TBX20: variants seen among roughly 807,000 people sequenced by gnomAD.
The protein encoded by TBX20 is T-box transcription factor 20.
A neutral mutation model predicts 42.9 loss-of-function variants in TBX20; 8 were observed. The ratio of observed to expected loss-of-function variants is 0.19; its 90% CI spans 0.11 to 0.34. The LOEUF (loss-of-function observed/expected upper bound fraction) is 0.34. Ranked by LOEUF, TBX20 falls within the 10% of genes least tolerant of loss-of-function variation. The probability of loss-of-function intolerance (pLI) is 1.00; values close to 1 mark genes in which losing one functional copy is unlikely to be tolerated. For missense variants in TBX20, 411 were observed against 566.0 expected (o/e 0.73, Z 2.78); for synonymous variants, 198 against 222.8 (o/e 0.89, Z 0.99).
At chr7:35,217,596 T>C (rs1789611417) in intron 6 of TBX20, among the ~76,000 whole-genome samples, 1 of 152,250 alleles carries the variant, frequency 6.6e-6, no homozygotes, top group Admixed American at 6.5e-5. Flanking sequence ...TCTTGCTAAC[T>C]AAATATTTTG....
At chr7:35,218,016 G>C (rs545780798) in intron 6 of TBX20, among the ~76,000 whole-genome samples, 1 of 152,100 alleles carries the variant, frequency 6.6e-6, no homozygotes, top group Admixed American at 6.6e-5. Flanking sequence ...CATTGCGCCC[G>C]GCCCAAAAGC....
At chr7:35,212,901 G>A (rs954858265) in intron 6 of TBX20, among the ~76,000 whole-genome samples, 1 of 152,118 alleles carries the variant, frequency 6.6e-6, no homozygotes, top group Non-Finnish European at 1.5e-5. Context: ...GTTCTTTAGG[G>A]ATCCTCTGTA....
rs199730828 is a variant in TBX20 at position 35,248,806 on chromosome 7, C to A, written c.416G>T (p.Gly139Val). Residue 139 changes from glycine (G) to valine (V), a missense_variant, in exon 3 of 8, where the codon GGG (glycine) becomes GTG (valine). Coordinates refer to ENST00000408931, the MANE Select transcript of TBX20 (RefSeq NM_001077653.2). ...TATGTACTTGGCCTCAGGATCCACC[C>A]CCGAAAAGGACACCCGGATGGTTGG... The part of the protein sequence containing the change: ...MFPTIRVSFS[G>V]VDPEAKYIVL... 1 of 1,614,078 alleles carries A rather than the reference C, an allele frequency of 6.2e-7. No individual in the cohort carries two copies. Among genetic ancestry groups the A allele is most frequent in the East Asian group, 2.2e-5 (1 of 44,860 alleles).
intron 6 of TBX20, among the ~76,000 whole-genome samples, 185 bp from the exon 7 acceptor site, chr7:35,204,767 G>GACCTCAGTACATAC (rs1789372557): frequency 1.3e-5 from 2 of 152,166 alleles, no homozygotes; most frequent in South Asian, 4.2e-4. Flanking sequence ...TCAGAGACAT[G>GACCTCAGTACATAC]ACCTCAGGTG....
At chr7:35,231,872 TATTTAA>T (rs1789873140) in intron 5 of TBX20, among the ~76,000 whole-genome samples, 1 of 152,116 alleles carries the variant, frequency 6.6e-6, no homozygotes, top group Non-Finnish European at 1.5e-5. Context: ...GGGTGTGCAG[TATTTAA>T]TATATTACAT....
chr7:35,206,906 T>C (rs890309751), intron 6 of TBX20, among the ~76,000 whole-genome samples: 1 of 152,230 alleles, frequency 6.6e-6, no homozygotes, highest in Admixed American at 6.5e-5. Flanking sequence ...GGATATATTA[T>C]GGTTTATTCA....
chr7:35,247,175 A>AAC (rs1790207201), intron 3 of TBX20, among the ~76,000 whole-genome samples: 1 of 151,196 alleles, frequency 6.6e-6, no homozygotes, highest in Non-Finnish European at 1.5e-5. Context: ...CAAAAAAAAA[A>AAC]AAAAAAAAAA....
chr7:35,232,374 T>A (rs1789883244), intron 5 of TBX20, among the ~76,000 whole-genome samples: 1 of 152,176 alleles, frequency 6.6e-6, no homozygotes, highest in Non-Finnish European at 1.5e-5. Flanking sequence ...TGAAGGAGAA[T>A]ACGTTAAGTT....
intron 6 of TBX20, among the ~76,000 whole-genome samples, chr7:35,206,194 GAAAC>G (rs945789733): frequency 1.1e-4 from 16 of 152,216 alleles, no homozygotes; most frequent in African/African-American, 3.9e-4. Context: ...TAGGGATCTT[GAAAC>G]AAACAAACTA....
At chr7:35,248,576 C>G (rs1214503135) in intron 3 of TBX20, 101 bp downstream of exon 3, 1 of 1,327,960 alleles carries the variant, frequency 7.5e-7, no homozygotes, top group African/African-American at 1.4e-5. Flanking sequence ...TTGCCAGAGC[C>G]CGCTGCTTTA....
Position 35,244,943 on chromosome 7 carries a change from AC to A in TBX20, c.654+5del. 1 of 1,604,186 alleles carries A rather than the reference AC, an allele frequency of 6.2e-7. No homozygotes were observed. The highest frequency in any genetic ancestry group is 8.5e-7 in the Non-Finnish European group (1 of 1,170,982). ...GAACCTGCACAGTCCAAGGCATGGT[AC>A]TTACATGGCCATGTTGATCCAGTTC... On this transcript the variant is annotated splice_donor_5th_base_variant and intron_variant, in intron 4 of 7. Transcript: ENST00000408931.
chr7:35,253,349 G>T, intron 1 of TBX20, 145 bp downstream of exon 1: 1 of 932,216 alleles, frequency 1.1e-6, no homozygotes, highest in Non-Finnish European at 1.6e-6. Context: ...AGAAAACTTG[G>T]ACCCAAAAGA....
chr7:35,207,126 C>T lies in TBX20; in HGVS notation c.891-2544G>A, dbSNP rs148724286. On this transcript the variant is annotated intron_variant, in intron 6 of 7. Coordinates refer to ENST00000408931, the MANE Select transcript of TBX20 (RefSeq NM_001077653.2). ...AAAGTAGTCATACAATTTAGCATTC[C>T]CACCATCAGTGTATGAGAACTCCAG... 4.7e-3 allele frequency among the ~76,000 whole-genome samples: 710 copies of T among 152,266 alleles called. 6 individuals are homozygous for T. The highest frequency in any genetic ancestry group is 0.016 in the African/African-American group (667 of 41,540).
chr7:35,245,319 G>GGGGTGTGTGTGTGT (rs1554287407), intron 3 of TBX20, among the ~76,000 whole-genome samples: 7 of 146,398 alleles, frequency 4.8e-5, no homozygotes, highest in South Asian at 2.2e-4. Context: ...TGTTTAAAGG[G>GGGGTGTGTGTGTGT]GTGTGTGTGT....
rs483353008 is a variant in TBX20 at position 35,204,341 on chromosome 7, A to G, written c.1003+129T>C. On this transcript the variant is annotated intron_variant, in intron 7 of 7. Transcript: ENST00000408931. ...TCAGTGTCGGGGCTCTCCCTTCCCA[A>G]GGAGGCTCCTGAAATCCTTTCCCGG... 4 of 725,936 alleles carry G rather than the reference A, an allele frequency of 5.5e-6. No homozygotes were observed. Among genetic ancestry groups the G allele is most frequent in the African/African-American group, 5.2e-5 (3 of 57,436 alleles). 45.0% of individuals were successfully genotyped at this position (725,936 alleles called of 1,614,324 possible).
intron 4 of TBX20, among the ~76,000 whole-genome samples, chr7:35,241,975 G>A (rs1008352960): frequency 1.3e-5 from 2 of 152,104 alleles, no homozygotes; most frequent in African/African-American, 2.4e-5. Flanking sequence ...ATGTCTTTCC[G>A]GGGATGAGAG....
Position 35,253,546 on chromosome 7 carries a change from C to G in TBX20, c.75G>C (p.Ser25=). ...CCTCCTTCTCCTTAGAGCCGCCGCT[C>G]GACATGAGCGCGGCAATGGAGAAGG... is the stretch of plus-strand genomic sequence containing the variant. ...ANAFSIAALM[S]SGGSKEKEAT... Residue 25 remains serine (S), a synonymous_variant, in exon 1 of 8, where the codon TCG becomes TCC. Coordinates refer to ENST00000408931, the MANE Select transcript of TBX20 (RefSeq NM_001077653.2). 6.2e-7 allele frequency: 1 copy of G among 1,612,880 alleles called. No homozygotes were observed. Among genetic ancestry groups the G allele is most frequent in the Non-Finnish European group, 8.5e-7 (1 of 1,180,006 alleles).
chr7:35,221,812 T>G (rs1249303603), intron 6 of TBX20, among the ~76,000 whole-genome samples: 1 of 152,176 alleles, frequency 6.6e-6, no homozygotes, highest in East Asian at 1.9e-4. Context: ...TGAATATGCC[T>G]GCAATTAAAT....
chr7:35,220,997 GA>G (rs1158545372), intron 6 of TBX20, among the ~76,000 whole-genome samples: 1 of 152,070 alleles, frequency 6.6e-6, no homozygotes, highest in Non-Finnish European at 1.5e-5. Context: ...ACAGAAGCCA[GA>G]ATATTAGATG....
Sources: gnomAD v4.1 joint callset for allele counts (sites outside exome capture counted in the v4.1 genomes callset) on GRCh38, gnomAD v4.1.1 for gene constraint, MANE v1.5 for transcripts, NCBI Gene and HGNC (gene_info 2026-07-23, HGNC 2026-07-21) for gene names.